Variants in CELF2 observed in about 807,000 individuals in gnomAD.
The protein encoded by CELF2 is CUG triplet repeat RNA-binding protein 2.
Under a neutral mutation model 62.6 loss-of-function variants are expected in CELF2, and 8 were observed. The observed-to-expected ratio is 0.13, with a 90% CI of 0.07 to 0.23. The LOEUF (loss-of-function observed/expected upper bound fraction) is 0.23. CELF2 is among the 10% of genes least tolerant of loss of function. The probability of loss-of-function intolerance (pLI) is 1.00; values close to 1 mark genes in which losing one functional copy is unlikely to be tolerated. For missense variants in CELF2, 333 were observed against 671.0 expected (o/e 0.50, Z 5.56); for synonymous variants, 258 against 250.0 (o/e 1.03, Z -0.30).
chr10:11,109,124 A>T lies in CELF2; in HGVS notation c.75-56362A>T, dbSNP rs542917482. Among the ~76,000 whole-genome samples, 14 of 152,256 alleles carry T rather than the reference A, an allele frequency of 9.2e-5. No individual in the cohort carries two copies. The East Asian group carries it at 2.3e-3, about 25-fold the overall frequency. ...TGCATTAGGTATATCTCATATGTAG[A>T]TGTTTACGGCCCTCAGAAGGGAGGG... On this transcript the variant is annotated intron_variant, in intron 1 of 12. Transcript: ENST00000633077.
chr10:10,677,748 CT>C, the CELF2 span, among the ~76,000 whole-genome samples: 7 of 152,174 alleles, frequency 4.6e-5, no homozygotes, highest in Admixed American at 2.6e-4. Flanking sequence ...TCAAAGATGG[CT>C]GACTCAGGCT....
At chr10:11,093,111 G>A (rs1020552259) in intron 1 of CELF2, among the ~76,000 whole-genome samples, 2 of 152,184 alleles carry the variant, frequency 1.3e-5, no homozygotes, top group African/African-American at 4.8e-5. Context: ...GCAAAGTGAT[G>A]CAGTTACTTG....
the CELF2 span, among the ~76,000 whole-genome samples, chr10:10,590,860 T>C: frequency 5.9e-5 from 9 of 152,360 alleles, 1 homozygote; most frequent in Admixed American, 5.9e-4. Context: ...AAAACTTATT[T>C]GTCTCTGTCT....
At chr10:10,699,816 G>A in the CELF2 span, among the ~76,000 whole-genome samples, 1 of 152,320 alleles carries the variant, frequency 6.6e-6, no homozygotes, top group East Asian at 1.9e-4. Context: ...CAGTTGGAGT[G>A]AAGAGATTTG....
Position 10,997,099 on chromosome 10 carries a change from G to A in CELF2, c.89+77100G>A, listed in dbSNP as rs1212984108. Among the ~76,000 whole-genome samples the A allele has an allele frequency of 1.3e-5, 2 of 152,130 alleles. 1 individual carries two copies. Among genetic ancestry groups the A allele is most frequent in the African/African-American group, 4.8e-5 (2 of 41,414 alleles). On this transcript the variant is annotated intron_variant, in intron 2 of 13. Transcript: ENST00000636488. This position sits in a 1 kb window ranked among gnomAD's most constrained non-coding sequence, Gnocchi z 5.3. ...TCTCCTCTCTCTACAGCTGCTGCCT[G>A]GCAACATGGAATAGTGATGCCCATC...
In CELF2 at chr10:11,012,217, T is replaced by C. The variant is rs1381251321; in HGVS notation, c.53+6777T>C. Among the ~76,000 whole-genome samples, 4 of 152,214 alleles carry C rather than the reference T, an allele frequency of 2.6e-5. No individual in the cohort carries two copies. The highest frequency in any genetic ancestry group is 5.9e-5 in the Non-Finnish European group (4 of 68,036). On this transcript the variant is annotated intron_variant, in intron 1 of 12. Transcript: ENST00000416382. The surrounding 1 kb of genome is among the most constrained non-coding windows in gnomAD (Gnocchi z 5.5). ...ATGTCTTCACTCAGTCTGAAAGCAG[T>C]GCTTGCCCTAAAGATTCTGATCTGC... is the stretch of plus-strand genomic sequence containing the variant.
rs1237704764 is a variant in CELF2, at chr10:11,246,549, GA to G, written c.355-2602del. Among the ~76,000 whole-genome samples the G allele has an allele frequency of 2.6e-5, 4 of 152,070 alleles. No individual in the cohort carries two copies. The highest frequency in any genetic ancestry group is 4.4e-5 in the Non-Finnish European group (3 of 68,000). On this transcript the variant is annotated intron_variant, in intron 3 of 12. Coordinates refer to ENST00000633077, the MANE Select transcript of CELF2 (RefSeq NM_001326342.2). This position sits in a 1 kb window ranked among gnomAD's most constrained non-coding sequence, Gnocchi z 4.6. ...ACCTACTTCTGATAAATCCCGTGAAGAATTTTTTATTGCCAGATCCAAATTC... is the reference window on the plus strand; with the variant it reads ...ACCTACTTCTGATAAATCCCGTGAAGATTTTTTATTGCCAGATCCAAATTC...
At chr10:10,720,722 C>T in the CELF2 span, among the ~76,000 whole-genome samples, 1 of 152,240 alleles carries the variant, frequency 6.6e-6, no homozygotes, top group Non-Finnish European at 1.5e-5. Context: ...TCCAAAGCAA[C>T]CCTCGTTAAT....
intron 1 of CELF2, among the ~76,000 whole-genome samples, chr10:10,842,052 C>A (rs189232174): frequency 6.6e-6 from 1 of 151,968 alleles, no homozygotes; most frequent in African/African-American, 2.4e-5. Flanking sequence ...TTTTCTGATG[C>A]GATTGTAAAT....
intron 3 of CELF2, among the ~76,000 whole-genome samples, chr10:11,248,341 C>T (rs1385368452): frequency 6.6e-6 from 1 of 152,170 alleles, no homozygotes; most frequent in East Asian, 1.9e-4. Context: ...CACTGTAGCT[C>T]AGGACCTCGG....
intron 1 of CELF2, among the ~76,000 whole-genome samples, chr10:10,857,761 A>G (rs2133034463): frequency 6.7e-6 from 1 of 150,080 alleles, no homozygotes; most frequent in Middle Eastern, 3.4e-3. Context: ...AAATCAGTCA[A>G]TAGAAAAAGA....
chr10:10,912,841 G>C (rs757168875), intron 1 of CELF2, among the ~76,000 whole-genome samples: 3 of 152,140 alleles, frequency 2.0e-5, no homozygotes, highest in Non-Finnish European at 4.4e-5. Context: ...TTCAAATCCT[G>C]ACTCTATCTG....
At chr10:10,515,760 G>A in the CELF2 span, among the ~76,000 whole-genome samples, 1 of 152,322 alleles carries the variant, frequency 6.6e-6, no homozygotes, top group Admixed American at 6.5e-5. Flanking sequence ...GTAGGCATGC[G>A]AATTTGGGTC....
At chr10:10,999,106 A>G (rs2054262537) in intron 2 of CELF2, among the ~76,000 whole-genome samples, 1 of 152,162 alleles carries the variant, frequency 6.6e-6, no homozygotes, top group Non-Finnish European at 1.5e-5. Flanking sequence ...GGCCCTTCCT[A>G]ATCTTTTTGT....
chr10:10,695,479 T>C, the CELF2 span, among the ~76,000 whole-genome samples: 3 of 150,812 alleles, frequency 2.0e-5, no homozygotes, highest in Admixed American at 2.0e-4. Context: ...CTGACAATTA[T>C]GTGTCTTGGA....
intron 2 of CELF2, chr10:10,929,793 A>G (rs2065888353): frequency 6.6e-6 from 1 of 152,350 alleles, no homozygotes; most frequent in Non-Finnish European, 1.5e-5. Context: ...TTTGAGGTGG[A>G]GATGAGAGAG....
In CELF2 at chr10:10,839,853, C is replaced by A. The variant is rs151334400; in HGVS notation, c.53+41036C>A. On this transcript the variant is annotated intron_variant, in intron 1 of 13. Transcript: ENST00000636488. Reference sequence around the variant, plus strand: ...AATAGTTTCACTGCCCTAAAAATTCCTCTGTGCTTCACCTATTCAACCTCT... The same window carrying A: ...AATAGTTTCACTGCCCTAAAAATTCATCTGTGCTTCACCTATTCAACCTCT... 2.2e-3 allele frequency among the ~76,000 whole-genome samples: 341 copies of A among 152,312 alleles called. 1 individual carries two copies. Among genetic ancestry groups the A allele is most frequent in the African/African-American group, 7.8e-3 (323 of 41,574 alleles).
At chr10:10,479,930 A>G in the CELF2 span, among the ~76,000 whole-genome samples, 7 of 152,188 alleles carry the variant, frequency 4.6e-5, no homozygotes, top group South Asian at 1.4e-3. Context: ...CATTGTCTTA[A>G]CCAAGCATCA....
chr10:11,023,688 A>G (rs1163660059), intron 1 of CELF2, among the ~76,000 whole-genome samples: 2 of 152,230 alleles, frequency 1.3e-5, no homozygotes, highest in African/African-American at 2.4e-5. Context: ...GTTCTAAATC[A>G]TGACAGAAAG....
Sources: allele counts gnomAD v4.1 joint callset (sites outside exome capture counted in the v4.1 genomes callset), GRCh38; gene constraint gnomAD v4.1.1; non-coding constraint Gnocchi (gnomAD v3.1); transcripts MANE v1.5; gene names NCBI Gene and HGNC (gene_info 2026-07-23, HGNC 2026-07-21).